The following SEMA3A variants were observed in gnomAD, a reference collection of about 807,000 sequenced individuals.
SEMA3A encodes semaphorin-3A.
In SEMA3A, 29 loss-of-function variants were observed where a neutral mutation model predicts 97.9. The observed-to-expected ratio is 0.30, with a 90% CI of 0.22 to 0.40. SEMA3A has a LOEUF of 0.40. Ranked by LOEUF, SEMA3A falls within the 10% of genes least tolerant of loss-of-function variation. The probability of loss-of-function intolerance (pLI) is 1.00; values close to 1 mark genes in which losing one functional copy is unlikely to be tolerated. For missense variants in SEMA3A, 763 were observed against 951.3 expected, an observed-to-expected ratio of 0.80 and a Z score of 2.60; for synonymous variants, 321 against 323.7, an observed-to-expected ratio of 0.99 and a Z score of 0.09.
At chr7:83,994,038 C>T (rs1790089756) in intron 12 of SEMA3A, among the ~76,000 whole-genome samples, 1 of 149,616 alleles carries the variant, frequency 6.7e-6, no homozygotes, top group Non-Finnish European at 1.5e-5. Context: ...TTTCTCTAAA[C>T]TTCCCTTCTC....
intron 4 of SEMA3A, among the ~76,000 whole-genome samples, chr7:84,093,250 G>A (rs1204194550): frequency 6.6e-6 from 1 of 152,170 alleles, no homozygotes; most frequent in Non-Finnish European, 1.5e-5. Context: ...GAGTGTTTAT[G>A]TGATGTGACT....
chr7:84,316,556 A>AT (rs1443871552), intron 2 of SEMA3A, among the ~76,000 whole-genome samples: 3 of 152,130 alleles, frequency 2.0e-5, no homozygotes, highest in Non-Finnish European at 4.4e-5. Context: ...AAGAGGTGCT[A>AT]TAAGTCTATA....
At chr7:83,988,116 A>AACTGGC in intron 12 of SEMA3A, among the ~76,000 whole-genome samples, 1 of 152,238 alleles carries the variant, frequency 6.6e-6, no homozygotes, top group East Asian at 1.9e-4. Context: ...CAGTCTTCTC[A>AACTGGC]TCCTCCAGCC....
chr7:84,034,222 G>A (rs1791863480), intron 6 of SEMA3A, among the ~76,000 whole-genome samples: 1 of 152,022 alleles, frequency 6.6e-6, no homozygotes, highest in Non-Finnish European at 1.5e-5. Context: ...GATCTCAAGG[G>A]ATCCGCCTGC....
At chr7:84,331,947 C>G (rs1269029604) in intron 2 of SEMA3A, among the ~76,000 whole-genome samples, 1 of 152,076 alleles carries the variant, frequency 6.6e-6, no homozygotes, top group Admixed American at 6.6e-5. Context: ...TGTTCTGGCA[C>G]AGTGGAAAAA....
At chr7:84,280,948 A>T (rs1440885631) in intron 3 of SEMA3A, among the ~76,000 whole-genome samples, 1 of 152,146 alleles carries the variant, frequency 6.6e-6, no homozygotes, top group Non-Finnish European at 1.5e-5. Flanking sequence ...ATCTTTTAAT[A>T]TGGAATGTTC....
chr7:84,016,736 C>T (rs1247029878), intron 6 of SEMA3A, among the ~76,000 whole-genome samples: 1 of 151,996 alleles, frequency 6.6e-6, no homozygotes, highest in African/African-American at 2.4e-5. Context: ...CATATAAAAA[C>T]AAATATTTTA....
intron 3 of SEMA3A, among the ~76,000 whole-genome samples, chr7:84,304,184 T>C (rs1801096829): frequency 6.6e-6 from 1 of 152,084 alleles, no homozygotes; most frequent in South Asian, 2.1e-4. Flanking sequence ...ACCAGAAACA[T>C]GGGCAGAAAT....
In SEMA3A at chr7:84,235,466, A is replaced by G. The variant is rs576482886; in HGVS notation, c.-82-40798T>C. ...TATTGAAATTTTGATTACTTTTGAT[A>G]TTATTGTTTCTTCTTTATTTCTTTA... On this transcript the variant is annotated intron_variant, in intron 3 of 3. Transcript: ENST00000424555. Among the ~76,000 whole-genome samples, 142 of 151,968 alleles carry G rather than the reference A, an allele frequency of 9.3e-4. 1 individual carries two copies. The highest frequency in any genetic ancestry group is 1.6e-3 in the Non-Finnish European group (110 of 67,946).
chr7:84,351,589 T>C (rs967183911), intron 2 of SEMA3A, among the ~76,000 whole-genome samples: 2 of 151,864 alleles, frequency 1.3e-5, no homozygotes, highest in Admixed American at 6.6e-5. Context: ...CAAAAGAAGA[T>C]ATAAAAATGG....
In SEMA3A at chr7:83,995,072, C is replaced by T. The variant is rs141584182; in HGVS notation, c.1452+6883G>A. Among the ~76,000 whole-genome samples the T allele has an allele frequency of 7.3e-3, 1,113 of 152,220 alleles. 15 individuals are homozygous for T. The highest frequency in any genetic ancestry group is 0.024 in the African/African-American group (1,017 of 41,546). ...GTGCAGTATTCAGGTGGGAGTGACC[C>T]GATTTTCCAGGTGCCATCCGTCACC... On this transcript the variant is annotated intron_variant, in intron 12 of 16. Coordinates refer to ENST00000265362, the MANE Select transcript of SEMA3A (RefSeq NM_006080.3).
chr7:84,090,562 G>A (rs1794531169), intron 4 of SEMA3A, among the ~76,000 whole-genome samples: 1 of 152,022 alleles, frequency 6.6e-6, no homozygotes, highest in South Asian at 2.1e-4. Flanking sequence ...AAGCATTAAA[G>A]CTTATGTGTG....
At chr7:84,014,942 T>C (rs1791038552) in intron 6 of SEMA3A, among the ~76,000 whole-genome samples, 1 of 152,106 alleles carries the variant, frequency 6.6e-6, no homozygotes. Context: ...ATATCCTTAT[T>C]TATCATGATT....
intron 4 of SEMA3A, among the ~76,000 whole-genome samples, chr7:84,098,833 A>G (rs1440730623): frequency 6.6e-6 from 1 of 152,138 alleles, no homozygotes; most frequent in Non-Finnish European, 1.5e-5. Flanking sequence ...GTGTGATGTT[A>G]TGTAACATGT....
chr7:83,987,408 G>C (rs1584508715), intron 12 of SEMA3A, among the ~76,000 whole-genome samples: 1 of 152,100 alleles, frequency 6.6e-6, no homozygotes. Flanking sequence ...CTCTCAGGGG[G>C]TTCAATCTCC....
At chr7:84,342,568 G>T (rs1214407739) in intron 2 of SEMA3A, among the ~76,000 whole-genome samples, 1 of 152,118 alleles carries the variant, frequency 6.6e-6, no homozygotes, top group Non-Finnish European at 1.5e-5. Flanking sequence ...GGAATAAAGA[G>T]AACCTTATAC....
At chr7:83,997,350 T>A (rs573725503) in intron 12 of SEMA3A, among the ~76,000 whole-genome samples, 1 of 152,356 alleles carries the variant, frequency 6.6e-6, no homozygotes, top group African/African-American at 2.4e-5. Context: ...AAAATTTCTC[T>A]GCTTATTTCA....
intron 4 of SEMA3A, among the ~76,000 whole-genome samples, chr7:84,062,571 G>A (rs78932353): frequency 2.4e-4 from 37 of 152,312 alleles, no homozygotes; most frequent in Middle Eastern, 3.4e-3. Context: ...CGCACCACGC[G>A]CGAGCCGAAG....
Position 84,378,764 on chromosome 7 carries a change from A to G in SEMA3A, c.-245-6864T>C, listed in dbSNP as rs531480800. Reference sequence around the variant, plus strand: ...ATTTAGACATGAGAATACTTTTTATATAACTTAGACTATACTCATTTAAAA... The same window carrying G: ...ATTTAGACATGAGAATACTTTTTATGTAACTTAGACTATACTCATTTAAAA... On this transcript the variant is annotated intron_variant, in intron 1 of 3. Transcript: ENST00000424555. 3.9e-5 allele frequency among the ~76,000 whole-genome samples: 6 copies of G among 152,298 alleles called. No individual in the cohort carries two copies. The East Asian group carries it at 1.2e-3, about 29-fold the overall frequency.
Sources: allele counts gnomAD v4.1 joint callset (sites outside exome capture counted in the v4.1 genomes callset), GRCh38; gene constraint gnomAD v4.1.1; transcripts MANE v1.5; gene names NCBI Gene and HGNC (gene_info 2026-07-23, HGNC 2026-07-21).